Variants in CHRM3 observed in about 807,000 individuals in gnomAD.
CHRM3 encodes muscarinic acetylcholine receptor M3.
Under a neutral mutation model 41.8 loss-of-function variants are expected in CHRM3, and 11 were observed. The ratio of observed to expected loss-of-function variants is 0.26; its 90% CI spans 0.17 to 0.44. The LOEUF is 0.44. CHRM3 is among the 20% of genes least tolerant of loss of function. The pLI, the probability that CHRM3 is intolerant of heterozygous loss-of-function variation, is 1.00. For synonymous variants in CHRM3, 297 were observed against 301.4 expected (o/e 0.99, Z 0.15); for missense variants, 571 against 745.4 (o/e 0.77, Z 2.72).
At chr1:239,508,661 C>T (rs1265163759) in intron 2 of CHRM3, among the ~76,000 whole-genome samples, 1 of 152,056 alleles carries the variant, frequency 6.6e-6, no homozygotes, top group Non-Finnish European at 1.5e-5. Context: ...CGAAATCAGC[C>T]CTAGAGCTTA....
In CHRM3 at chr1:239,814,035, AAAATAAAT is replaced by A. The variant is rs577005652; in HGVS notation, c.-146-13203_-146-13196del. Among the ~76,000 whole-genome samples the A allele has an allele frequency of 9.9e-5, 14 of 140,872 alleles. No homozygotes were observed. In the East Asian group the frequency reaches 1.7e-3, roughly 17 times the overall value. The allele number at this position is 140,872 out of a possible 152,430, so 92.4% of individuals were successfully genotyped here. On this transcript the variant is annotated intron_variant, in intron 5 of 6. Transcript: ENST00000676153. ...TGAAAGTCATTACTCGCTTTAAGGA[AAAATAAAT>A]AAATAAATAAATACATAAACTAATG...
chr1:239,422,699 G>A (rs554172831), intron 1 of CHRM3, among the ~76,000 whole-genome samples: 36 of 152,082 alleles, frequency 2.4e-4, no homozygotes, highest in African/African-American at 8.0e-4. Context: ...GGAGGCTGAG[G>A]CAGGAGAATC....
intron 5 of CHRM3, among the ~76,000 whole-genome samples, chr1:239,766,696 GATATAGATA>G (rs1667250596): frequency 2.0e-5 from 3 of 146,982 alleles, no homozygotes; most frequent in Non-Finnish European, 2.9e-5. Flanking sequence ...TATAGATATA[GATATAGATA>G]TAGATATAGA....
At chr1:239,456,009 G>A (rs902281389) in intron 1 of CHRM3, among the ~76,000 whole-genome samples, 8 of 152,116 alleles carry the variant, frequency 5.3e-5, no homozygotes, top group African/African-American at 1.9e-4. Flanking sequence ...TAAGACTAGG[G>A]GTTTATATAG....
At chr1:239,466,495 A>G (rs1212555133) in intron 1 of CHRM3, among the ~76,000 whole-genome samples, 1 of 152,168 alleles carries the variant, frequency 6.6e-6, no homozygotes, top group Non-Finnish European at 1.5e-5. Context: ...GGGACTCAAA[A>G]GTTATATGTA....
chr1:239,904,750 T>C (rs1679841036), intron 6 of CHRM3, among the ~76,000 whole-genome samples: 1 of 152,244 alleles, frequency 6.6e-6, no homozygotes, highest in Non-Finnish European at 1.5e-5. Context: ...CAATGTCAGA[T>C]ATTTCAGCTA....
At chr1:239,836,842 G>A (rs906590516) in intron 6 of CHRM3, among the ~76,000 whole-genome samples, 14 of 152,170 alleles carry the variant, frequency 9.2e-5, no homozygotes, top group Non-Finnish European at 1.8e-4. Flanking sequence ...GGGCTTGATG[G>A]CACATGCCTG....
At chr1:239,497,551 G>A (rs1667964953) in intron 2 of CHRM3, among the ~76,000 whole-genome samples, 1 of 152,154 alleles carries the variant, frequency 6.6e-6, no homozygotes, top group African/African-American at 2.4e-5. Flanking sequence ...TTCCTTATCT[G>A]CAAGTTACTC....
chr1:239,728,996 A>T (rs1171942098), intron 5 of CHRM3, among the ~76,000 whole-genome samples: 1 of 151,936 alleles, frequency 6.6e-6, no homozygotes, highest in African/African-American at 2.4e-5. Flanking sequence ...TGAGATGAGA[A>T]CACTGAGAAT....
intron 4 of CHRM3, among the ~76,000 whole-genome samples, chr1:239,656,296 C>T (rs1672708085): frequency 6.7e-6 from 1 of 150,352 alleles, no homozygotes; most frequent in African/African-American, 2.4e-5. Flanking sequence ...GTACCCCCCA[C>T]CAAATCTAAA....
intron 5 of CHRM3, among the ~76,000 whole-genome samples, chr1:239,789,843 T>C (rs1669200898): frequency 6.6e-6 from 1 of 152,218 alleles, no homozygotes; most frequent in African/African-American, 2.4e-5. Flanking sequence ...CCAGCCACAC[T>C]GGATAAGTGT....
At chr1:239,665,013 CTGTG>C (rs1673630097) in intron 4 of CHRM3, among the ~76,000 whole-genome samples, 2 of 152,072 alleles carry the variant, frequency 1.3e-5, no homozygotes, top group Admixed American at 1.3e-4. Context: ...AGATCTGTCT[CTGTG>C]TGCTCATTCT....
At position 239,761,641 on chromosome 1, in the gene CHRM3, G is replaced by C. The variant is rs541340243; in HGVS notation, c.-146-65611G>C. Reference sequence around the variant, plus strand: ...CACTACCACTGAGGCAATATGCTTCGGAGTGCTCGGCCAGATGCCTCATGC... The same window carrying C: ...CACTACCACTGAGGCAATATGCTTCCGAGTGCTCGGCCAGATGCCTCATGC... On this transcript the variant is annotated intron_variant, in intron 5 of 6. Coordinates refer to ENST00000676153, the MANE Select transcript of CHRM3 (RefSeq NM_001375978.1). 9.9e-5 allele frequency among the ~76,000 whole-genome samples: 15 copies of C among 152,268 alleles called. No individual in the cohort carries two copies. In the South Asian group the frequency reaches 2.1e-3, roughly 21 times the overall value.
At chr1:239,637,725 G>T (rs2355231) in intron 4 of CHRM3, among the ~76,000 whole-genome samples, 91,793 of 140,532 alleles carry the variant, frequency 0.65, 29,948 homozygotes, top group East Asian at 0.84. Context: ...TTTTTTTTTT[G>T]GGGAATTTGT....
At chr1:239,429,001 T>C (rs1008477518) in intron 1 of CHRM3, among the ~76,000 whole-genome samples, 23 of 152,200 alleles carry the variant, frequency 1.5e-4, no homozygotes, top group African/African-American at 5.5e-4. Context: ...CTTTTAGAAA[T>C]ATACACATGA....
At chr1:239,453,079 C>T (rs1039245351) in intron 1 of CHRM3, among the ~76,000 whole-genome samples, 3 of 152,170 alleles carry the variant, frequency 2.0e-5, no homozygotes, top group Non-Finnish European at 4.4e-5. Flanking sequence ...GGATTACAGG[C>T]GCGAGCCACC....
At chr1:239,553,009 G>T (rs1397572869) in intron 3 of CHRM3, among the ~76,000 whole-genome samples, 1 of 152,054 alleles carries the variant, frequency 6.6e-6, no homozygotes, top group Non-Finnish European at 1.5e-5. Context: ...ACTGGAGGGA[G>T]TTCCTAGCCA....
intron 3 of CHRM3, among the ~76,000 whole-genome samples, chr1:239,583,267 C>T (rs2148599845): frequency 6.6e-6 from 1 of 152,178 alleles, no homozygotes; most frequent in East Asian, 1.9e-4. Context: ...TACTTGTAGA[C>T]AACTTAATTA....
At chr1:239,554,466 GTGTGTA>G (rs1333156901) in intron 3 of CHRM3, among the ~76,000 whole-genome samples, 1 of 151,862 alleles carries the variant, frequency 6.6e-6, no homozygotes, top group Non-Finnish European at 1.5e-5. Flanking sequence ...GTGTGTGTGT[GTGTGTA>G]TGTGTGTGCA....
Sources: gnomAD v4.1 joint callset for allele counts (sites outside exome capture counted in the v4.1 genomes callset) on GRCh38, gnomAD v4.1.1 for gene constraint, MANE v1.5 for transcripts, NCBI Gene and HGNC (gene_info 2026-07-23, HGNC 2026-07-21) for gene names.